The following IL5RA variants were observed in gnomAD, a reference collection of about 807,000 sequenced individuals.
IL5RA encodes interleukin-5 receptor subunit alpha.
A neutral mutation model predicts 50.0 loss-of-function variants in IL5RA; 49 were observed. That is an observed-to-expected ratio of 0.98 (90% CI 0.78 to 1.24). The LOEUF is 1.24. Among genes scored for constraint, IL5RA ranks in the 50% most tolerant of loss-of-function variants. IL5RA has a pLI of 0.00. For synonymous variants in IL5RA, 202 were observed against 174.0 expected, an observed-to-expected ratio of 1.16 and a Z score of -1.26; for missense variants, 600 against 500.4, an observed-to-expected ratio of 1.20 and a Z score of -1.90.
chr3:3,095,921 G>A (rs369949072), intron 7 of IL5RA, among the ~76,000 whole-genome samples: 24 of 152,038 alleles, frequency 1.6e-4, no homozygotes, highest in African/African-American at 4.8e-4. Context: ...TGTTTACTGC[G>A]TCTTTTGGTT....
chr3:3,083,138 G>A (rs908565623), intron 9 of IL5RA, among the ~76,000 whole-genome samples: 1 of 152,126 alleles, frequency 6.6e-6, no homozygotes, highest in Non-Finnish European at 1.5e-5. Context: ...GGGGAGAATG[G>A]CATCATTCAT....
intron 7 of IL5RA, among the ~76,000 whole-genome samples, chr3:3,097,009 C>T (rs1703396779): frequency 6.6e-6 from 1 of 152,192 alleles, no homozygotes; most frequent in African/African-American, 2.4e-5. Flanking sequence ...GGTCACTCAG[C>T]CAGTGGTGGA....
Position 3,102,802 on chromosome 3 carries a change from A to T in IL5RA, c.101T>A (p.Val34Asp). 1.2e-6 allele frequency: 2 copies of T among 1,609,972 alleles called. No homozygotes were observed. The highest frequency in any genetic ancestry group is 1.7e-6 in the Non-Finnish European group (2 of 1,178,700). Residue 34 changes from valine (V) to aspartate (D), a missense_variant, in exon 4 of 12, where the codon GTC becomes GAC. Coordinates refer to ENST00000446632, the MANE Select transcript of IL5RA (RefSeq NM_175726.4). ...PDEKISLLPP[V>D]NFTIKVTGLA... ...ACCAGTAACTTTAATGGTGAAATTG[A>T]CAGGTGGGAGAAGTGAAACTGTTGA...
At position 3,098,269 on chromosome 3, in the gene IL5RA, A is replaced by G; in HGVS notation, c.389T>C (p.Val130Ala). 1 of 1,614,116 alleles carries G rather than the reference A, an allele frequency of 6.2e-7. No individual in the cohort carries two copies. The highest frequency in any genetic ancestry group is 8.5e-7 in the Non-Finnish European group (1 of 1,179,948). ...APPGSPGTSI[V>A]NLTCTTNTTE... ...AGTGTTTGTGGTGCAAGTTAAATTCACAATTGAGGTTCCAGGAGACCCTAG... is the reference window on the plus strand; with the variant it reads ...AGTGTTTGTGGTGCAAGTTAAATTCGCAATTGAGGTTCCAGGAGACCCTAG... Residue 130 changes from valine to alanine, a missense_variant, in exon 6 of 12, where the codon GTG becomes GCG. Coordinates refer to ENST00000446632, the MANE Select transcript of IL5RA (RefSeq NM_175726.4).
intron 8 of IL5RA, among the ~76,000 whole-genome samples, chr3:3,094,879 C>A (rs977715881): frequency 2.6e-5 from 4 of 152,102 alleles, no homozygotes; most frequent in African/African-American, 9.7e-5. Flanking sequence ...AGTCACGCGC[C>A]ATCACGTTGG....
At position 3,070,279 on chromosome 3, in the gene IL5RA, G is replaced by T; in HGVS notation, c.1209C>A (p.Val403=). 6.2e-7 allele frequency: 1 copy of T among 1,613,098 alleles called. No individual in the cohort carries two copies. Among genetic ancestry groups the T allele is most frequent in the Non-Finnish European group, 8.5e-7 (1 of 1,179,336 alleles). Residue 403 remains valine, a synonymous_variant, in exon 12 of 12, where the codon GTC becomes GTA. Coordinates refer to ENST00000446632, the MANE Select transcript of IL5RA (RefSeq NM_175726.4). ...CTCCAGGCTTCTCTATATAACAGAT[G>T]ACTTCAATTTCCGTCTCACTGGACC... ...KAGSSETEIE[V]ICYIEKPGVE...
At position 3,081,673 on chromosome 3, in the gene IL5RA, C is replaced by G. The variant is rs561650337; in HGVS notation, c.995-5046G>C. ...AAAATCTTTTCAGTTAAACCACTCT[C>G]AAGTTATTCACTTCAGCCCTCACTT... On this transcript the variant is annotated intron_variant, in intron 9 of 11. Transcript: ENST00000446632. Among the ~76,000 whole-genome samples, 6 of 152,318 alleles carry G rather than the reference C, an allele frequency of 3.9e-5. No individual in the cohort carries two copies. The East Asian group carries it at 1.2e-3, about 29-fold the overall frequency.
intron 9 of IL5RA, among the ~76,000 whole-genome samples, chr3:3,077,381 C>T (rs1278423460): frequency 2.0e-5 from 3 of 152,046 alleles, no homozygotes; most frequent in Non-Finnish European, 2.9e-5. Flanking sequence ...ATAAACGTGC[C>T]GTGTTGGTGT....
Position 3,108,656 on chromosome 3 carries a change from C to T in IL5RA, c.-110G>A, listed in dbSNP as rs1022704670. The T allele has an allele frequency of 3.3e-5, 5 of 152,176 alleles. No individual in the cohort carries two copies. Among genetic ancestry groups the T allele is most frequent in the Non-Finnish European group, 5.9e-5 (4 of 68,062 alleles). 9.4% of individuals were successfully genotyped at this position (152,176 alleles called of 1,614,324 possible). ...GCTGCAACCCCAGCATCTAGCATAG[C>T]GTCAGGCACAGGACCAATGCTCAAT... On this transcript the variant is annotated 5_prime_UTR_variant, in exon 2 of 12. Transcript: ENST00000446632.
chr3:3,076,556 A>G lies in IL5RA; in HGVS notation c.1066T>C (p.Leu356=), dbSNP rs1272594910. Residue 356 remains leucine (L), a synonymous_variant, in exon 10 of 12, where the codon TTA becomes CTA. Coordinates refer to ENST00000446632, the MANE Select transcript of IL5RA (RefSeq NM_175726.4). ...VIMATICFIL[L]ILSLICKICH... ...ATTTTACAGATAAGCGAGAGAATTA[A>G]CAAGATGAAGCAGATGGTTGCCATA... 3.1e-6 allele frequency: 5 copies of G among 1,610,660 alleles called. No homozygotes were observed. The highest frequency in any genetic ancestry group is 3.3e-4 in the Middle Eastern group (2 of 6,050).
intron 2 of IL5RA, among the ~76,000 whole-genome samples, chr3:3,105,809 T>C (rs1255271550): frequency 6.6e-6 from 1 of 152,184 alleles, no homozygotes; most frequent in African/African-American, 2.4e-5. Flanking sequence ...CTGTTCTACA[T>C]GTCAAAGAGG....
rs2125954061 is a variant in IL5RA at position 3,076,439 on chromosome 3, T to TAA, written c.1091+90_1091+91dup. On this transcript the variant is annotated intron_variant, in intron 10 of 11. Coordinates refer to ENST00000446632, the MANE Select transcript of IL5RA (RefSeq NM_175726.4). ...AAATGCCACAAATTTTACCTGATAA[T>TAA]AAGAACCCTCTGCCTACCGGATGCA... 19 of 805,274 alleles carry TAA rather than the reference T, an allele frequency of 2.4e-5. No homozygotes were observed. In the South Asian group the frequency reaches 2.9e-4, roughly 12 times the overall value. 49.9% of individuals were successfully genotyped at this position (805,274 alleles called of 1,614,324 possible).
At position 3,068,677 on chromosome 3, in the gene IL5RA, AGC is replaced by A. The variant is rs749095632; in HGVS notation, c.*1546_*1547del. The A allele has an allele frequency of 2.6e-5, 4 of 151,132 alleles. No individual in the cohort carries two copies. The highest frequency in any genetic ancestry group is 1.5e-5 in the Non-Finnish European group (1 of 67,978). The allele number at this position is 151,132 out of a possible 1,614,324, so 9.4% of individuals were successfully genotyped here. A position where few individuals can be genotyped will look rare whatever the true frequency, so the allele number is the denominator to read the frequency against. ...TTTTAAACATTTTGCCAACTATTGC[AGC>A]ACCTCCATGGGTGTTGCCTTCTCAG... is the stretch of plus-strand genomic sequence containing the variant. On this transcript the variant is annotated 3_prime_UTR_variant, in exon 12 of 12. Coordinates refer to ENST00000446632, the MANE Select transcript of IL5RA (RefSeq NM_175726.4).
intron 7 of IL5RA, 99 bp downstream of exon 7, chr3:3,097,771 T>C (rs1703431531): frequency 7.8e-7 from 1 of 1,283,676 alleles, no homozygotes; most frequent in Non-Finnish European, 1.1e-6. Context: ...TTACTTGGCA[T>C]CAGAGAAGCA....
intron 11 of IL5RA, among the ~76,000 whole-genome samples, chr3:3,071,384 G>A (rs1031256892): frequency 2.1e-4 from 32 of 152,244 alleles, no homozygotes; most frequent in Non-Finnish European, 4.1e-4. Context: ...AACACTTTGG[G>A]AGGCTGAAGC....
At chr3:3,090,007 A>G in intron 9 of IL5RA, 1 of 539,470 alleles carries the variant, frequency 1.9e-6, no homozygotes, top group Non-Finnish European at 3.3e-6. Context: ...ATCAAGTGCT[A>G]GAGTCAGTTA....
chr3:3,074,652 A>C (rs945431699), intron 11 of IL5RA, 130 bp downstream of exon 11: 6 of 588,232 alleles, frequency 1.0e-5, no homozygotes, highest in African/African-American at 9.5e-5. Context: ...TGACTGAAGC[A>C]ACAGAAATGC....
Position 3,102,737 on chromosome 3 carries a change from G to T in IL5RA, c.166C>A (p.Gln56Lys). 1 of 1,609,274 alleles carries T rather than the reference G, an allele frequency of 6.2e-7. No homozygotes were observed. Reference protein sequence around the residue: ...VLLQWKPNPDQEQRNVNLEYQ... With the variant: ...VLLQWKPNPDKEQRNVNLEYQ... Reference sequence around the variant, plus strand: ...TCTAGATTAACATTCCTTTGCTCTTGATCAGGATTTGGTTTCCATTGTAAA... The same window carrying T: ...TCTAGATTAACATTCCTTTGCTCTTTATCAGGATTTGGTTTCCATTGTAAA... The change falls in exon 4 of 12, where the codon CAA becomes AAA. Residue 56 changes from glutamine (Q) to lysine (K), a missense_variant. Transcript: ENST00000446632.
chr3:3,091,918 G>T, intron 9 of IL5RA: 3 of 927,954 alleles, frequency 3.2e-6, no homozygotes, highest in Non-Finnish European at 4.0e-6. Flanking sequence ...GCTTGTGAGT[G>T]TGATAATTAT....
Sources: allele counts gnomAD v4.1 joint callset (sites outside exome capture counted in the v4.1 genomes callset), GRCh38; gene constraint gnomAD v4.1.1; transcripts MANE v1.5; gene names NCBI Gene and HGNC (gene_info 2026-07-23, HGNC 2026-07-21).